The following INTS7 variants were observed in gnomAD, a reference collection of about 807,000 sequenced individuals.
INTS7 encodes the protein integrator complex subunit 7, also known as chromosome 1 open reading frame 73.
Under a neutral mutation model 109.2 loss-of-function variants are expected in INTS7, and 46 were observed. The ratio of observed to expected loss-of-function variants is 0.42; its 90% CI spans 0.33 to 0.54. The LOEUF is 0.54. INTS7 is among the 20% of genes least tolerant of loss of function. The pLI is 0.07. For missense variants in INTS7, 929 were observed against 1,132.4 expected, an observed-to-expected ratio of 0.82 and a Z score of 2.58; for synonymous variants, 412 against 402.9, an observed-to-expected ratio of 1.02 and a Z score of -0.27.
At chr1:212,025,966 G>C (rs140881003) in intron 1 of INTS7, among the ~76,000 whole-genome samples, 158 of 152,224 alleles carry the variant, frequency 1.0e-3, no homozygotes, top group African/African-American at 3.5e-3. Context: ...GACCAGCCTG[G>C]GCAACATGGT....
rs530987994 is a variant in INTS7, at chr1:211,948,792, C to T, written c.2317-2087G>A. On this transcript the variant is annotated intron_variant, in intron 17 of 19. Coordinates refer to ENST00000366994, the MANE Select transcript of INTS7 (RefSeq NM_015434.4). ...GCACAATCTCGGCTCACTGCACCCT[C>T]GGCCTCCCAGGTTCAAGCAATTCTC... Among the ~76,000 whole-genome samples the T allele has an allele frequency of 1.7e-4, 26 of 152,364 alleles. No homozygotes were observed. The South Asian group carries it at 4.6e-3, about 27-fold the overall frequency.
intron 17 of INTS7, among the ~76,000 whole-genome samples, chr1:211,947,077 G>C (rs1312717535): frequency 6.6e-6 from 1 of 152,144 alleles, no homozygotes; most frequent in Admixed American, 6.5e-5. Flanking sequence ...TAAACAGTAT[G>C]GTAAAGAAGC....
intron 10 of INTS7, among the ~76,000 whole-genome samples, chr1:211,980,847 ATAC>A (rs1284350338): frequency 6.6e-6 from 1 of 152,250 alleles, no homozygotes; most frequent in Non-Finnish European, 1.5e-5. Context: ...ACTAGGGCTT[ATAC>A]CACTGGGAAA....
intron 16 of INTS7, 140 bp from the exon 17 acceptor site, chr1:211,952,841 G>C: frequency 1.2e-6 from 1 of 823,712 alleles, no homozygotes. Context: ...AGAAAATTGA[G>C]GCTAGGAGAG....
In INTS7 at chr1:211,968,726, AG is replaced by A. The variant is rs1359798337; in HGVS notation, c.1816-20del. On this transcript the variant is annotated intron_variant, in intron 13 of 19. Transcript: ENST00000366994. ...TAGCTGCCTGGGAAAAAAAAAAAAA[AG>A]AGATATTTAAGACAAAGTAAACAGA... The A allele has an allele frequency of 4.5e-6, 6 of 1,341,050 alleles. No homozygotes were observed. The highest frequency in any genetic ancestry group is 1.4e-5 in the African/African-American group (1 of 70,282). 83.1% of individuals were successfully genotyped at this position (1,341,050 alleles called of 1,614,324 possible). A position where few individuals can be genotyped will look rare whatever the true frequency, so the allele number is the denominator to read the frequency against.
chr1:211,985,366 T>C lies in INTS7; in HGVS notation c.997+2520A>G, dbSNP rs563584126. On this transcript the variant is annotated intron_variant, in intron 8 of 19. Coordinates refer to ENST00000366994, the MANE Select transcript of INTS7 (RefSeq NM_015434.4). ...GCTTTTTAAACTACTTTTGGCTACA[T>C]TGAAAAAACATAATAAACGGAAATA... Among the ~76,000 whole-genome samples, 12 of 152,308 alleles carry C rather than the reference T, an allele frequency of 7.9e-5. No homozygotes were observed. The East Asian group carries it at 1.5e-3, about 20-fold the overall frequency.
rs1664441528 is a variant in INTS7 at position 211,976,808 on chromosome 1, A to G, written c.1471-89T>C. On this transcript the variant is annotated intron_variant, in intron 11 of 19. Coordinates refer to ENST00000366994, the MANE Select transcript of INTS7 (RefSeq NM_015434.4). ...TACCCCAAAGGGAGGAAAACTAATT[A>G]GAGCCCACTGCAAAAGAACAAAATT... 4.1e-6 allele frequency: 5 copies of G among 1,215,198 alleles called. No individual in the cohort carries two copies. In the South Asian group the frequency reaches 5.4e-5, roughly 13 times the overall value. The allele number at this position is 1,215,198 out of a possible 1,614,324, so 75.3% of individuals were successfully genotyped here.
At chr1:212,015,816 T>C (rs1389348817) in intron 4 of INTS7, among the ~76,000 whole-genome samples, 1 of 148,174 alleles carries the variant, frequency 6.7e-6, no homozygotes, top group East Asian at 2.0e-4. Context: ...TGCCAAGATA[T>C]AGAGATATAG....
chr1:211,974,242 T>C (rs1220627573), intron 13 of INTS7, among the ~76,000 whole-genome samples: 1 of 137,470 alleles, frequency 7.3e-6, no homozygotes, highest in Non-Finnish European at 1.6e-5. Flanking sequence ...ATTAGCCTAA[T>C]ATAGGAAACA....
intron 7 of INTS7, among the ~76,000 whole-genome samples, chr1:211,991,791 G>A (rs1665160421): frequency 6.6e-6 from 1 of 152,210 alleles, no homozygotes; most frequent in African/African-American, 2.4e-5. Flanking sequence ...AGAAAGCAGA[G>A]AGCCATGGAC....
intron 17 of INTS7, among the ~76,000 whole-genome samples, chr1:211,949,274 A>G (rs1442495811): frequency 6.6e-6 from 1 of 152,158 alleles, no homozygotes; most frequent in Non-Finnish European, 1.5e-5. Context: ...AAGAACTTCT[A>G]TGTGCAGATG....
rs754707998 is a variant in INTS7, at chr1:212,007,343, C to G, written c.663G>C (p.Leu221=). The G allele has an allele frequency of 1.9e-6, 3 of 1,613,804 alleles. No individual in the cohort carries two copies. The highest frequency in any genetic ancestry group is 1.7e-5 in the Admixed American group (1 of 59,970). The part of the protein sequence containing the change: ...ASSARQLLQQ[L]VTSYPSTKMV... The stretch of plus-strand genomic sequence containing the variant: ...TTTTGGTGGACGGATAGGATGTGAC[C>G]AGCTGTTGTAAAAGCTGACGAGCAC... Residue 221 remains leucine, a synonymous_variant, in exon 6 of 20, where the codon CTG becomes CTC. Coordinates refer to ENST00000366994, the MANE Select transcript of INTS7 (RefSeq NM_015434.4).
Position 211,946,499 on chromosome 1 carries a change from A to C in INTS7, c.2415+108T>G, listed in dbSNP as rs934505171. On this transcript the variant is annotated intron_variant, in intron 18 of 19. Transcript: ENST00000366994. The surrounding 1 kb of genome is among the most constrained non-coding windows in gnomAD (Gnocchi z 4.3). ...TCAAAAAACAAAACAAAACAAAAAA[A>C]CCAATAAACCAAAGGTAACACACTG... 1.2e-5 allele frequency: 8 copies of C among 650,214 alleles called. No homozygotes were observed. The highest frequency in any genetic ancestry group is 3.0e-5 in the Admixed American group (1 of 33,338). The allele number at this position is 650,214 out of a possible 1,614,324, so 40.3% of individuals were successfully genotyped here.
intron 16 of INTS7, among the ~76,000 whole-genome samples, chr1:211,954,539 G>C (rs541375332): frequency 6.6e-6 from 1 of 151,966 alleles, no homozygotes; most frequent in Non-Finnish European, 1.5e-5. Flanking sequence ...GGTCAAACAT[G>C]TAAGTCTTTA....
intron 17 of INTS7, among the ~76,000 whole-genome samples, chr1:211,948,536 G>A (rs2102382579): frequency 6.6e-6 from 1 of 152,336 alleles, no homozygotes; most frequent in Admixed American, 6.5e-5. Flanking sequence ...TAAAAGAATG[G>A]TGCAGATTTT....
At chr1:212,021,344 A>C in intron 1 of INTS7, 132 bp from the exon 2 acceptor site, 1 of 677,100 alleles carries the variant, frequency 1.5e-6, no homozygotes, top group Non-Finnish European at 2.3e-6. Flanking sequence ...AGTATAATTC[A>C]TTACCCTTTT....
intron 6 of INTS7, 140 bp downstream of exon 6, chr1:212,007,110 C>T: frequency 1.5e-6 from 1 of 674,704 alleles, no homozygotes; most frequent in South Asian, 2.0e-5. Context: ...AAAAAGCAAG[C>T]AAAAGCAAAT....
chr1:212,014,085 A>G (rs1666288798), intron 4 of INTS7, among the ~76,000 whole-genome samples: 1 of 152,218 alleles, frequency 6.6e-6, no homozygotes, highest in South Asian at 2.1e-4. Context: ...GCATCTATTA[A>G]TTTTGATCTG....
chr1:212,035,539 C>T lies in INTS7; in HGVS notation c.-102G>A. The stretch of plus-strand genomic sequence containing the variant: ...CCTTCTTGCTGGTTTTTCTTCCGCG[C>T]GCTGTCAAGCCCTGTTACGCATGCG... On this transcript the variant is annotated 5_prime_UTR_variant, in exon 1 of 20. Transcript: ENST00000366994. 2.1e-6 allele frequency: 2 copies of T among 961,524 alleles called. No homozygotes were observed. Among genetic ancestry groups the T allele is most frequent in the Non-Finnish European group, 3.3e-6 (2 of 606,200 alleles). 59.6% of individuals were successfully genotyped at this position (961,524 alleles called of 1,614,324 possible).
Sources: gnomAD v4.1 joint callset for allele counts (sites outside exome capture counted in the v4.1 genomes callset) on GRCh38, gnomAD v4.1.1 for gene constraint, Gnocchi (gnomAD v3.1) non-coding constraint, MANE v1.5 for transcripts, NCBI Gene and HGNC (gene_info 2026-07-23, HGNC 2026-07-21) for gene names.